The following KCNAB1 variants were observed in gnomAD, a reference collection of about 807,000 sequenced individuals.
KCNAB1 encodes the protein potassium voltage-gated channel subfamily A regulatory beta subunit 1, also known as voltage-gated potassium channel subunit beta-1.
KCNAB1 carries 35 observed loss-of-function variants against 64.6 expected under a neutral mutation model. That is an observed-to-expected ratio of 0.54 (90% CI 0.41 to 0.72). The LOEUF (loss-of-function observed/expected upper bound fraction) is 0.72. Ranked by LOEUF, KCNAB1 falls within the 30% of genes least tolerant of loss-of-function variation. KCNAB1 has a pLI of 0.00. For synonymous variants in KCNAB1, 177 were observed against 183.8 expected, an observed-to-expected ratio of 0.96 and a Z score of 0.30; for missense variants, 401 against 512.9, an observed-to-expected ratio of 0.78 and a Z score of 2.11.
At chr3:156,299,839 G>A (rs567921569) in intron 1 of KCNAB1, among the ~76,000 whole-genome samples, 3 of 152,124 alleles carry the variant, frequency 2.0e-5, no homozygotes, top group East Asian at 1.9e-4. Flanking sequence ...GCAACTACTT[G>A]TAAAGGCCTC....
intron 1 of KCNAB1, among the ~76,000 whole-genome samples, chr3:156,392,326 C>G (rs1713106292): frequency 6.6e-6 from 1 of 152,136 alleles, no homozygotes; most frequent in Non-Finnish European, 1.5e-5. Context: ...ATTATTCCTC[C>G]CAAAATACTT....
chr3:156,479,452 C>A (rs966019678), intron 8 of KCNAB1, among the ~76,000 whole-genome samples: 1 of 151,966 alleles, frequency 6.6e-6, no homozygotes, highest in Non-Finnish European at 1.5e-5. Context: ...TTCTGTCATT[C>A]CCAAACACCA....
intron 1 of KCNAB1, among the ~76,000 whole-genome samples, chr3:156,328,730 A>AGT (rs1347123906): frequency 2.0e-5 from 3 of 152,186 alleles, no homozygotes; most frequent in African/African-American, 7.2e-5. Flanking sequence ...TGTTGAACAG[A>AGT]GTGCAGTATA....
At chr3:156,289,215 G>A (rs1445758615) in intron 1 of KCNAB1, among the ~76,000 whole-genome samples, 1 of 152,202 alleles carries the variant, frequency 6.6e-6, no homozygotes, top group Non-Finnish European at 1.5e-5. Flanking sequence ...TGTCCTCCCT[G>A]TGGAACTGAC....
intron 1 of KCNAB1, among the ~76,000 whole-genome samples, chr3:156,373,843 AC>A (rs1711504249): frequency 6.6e-6 from 1 of 152,156 alleles, no homozygotes; most frequent in South Asian, 2.1e-4. Flanking sequence ...AATTGATCCT[AC>A]CTCAGGTATT....
rs527509163 is a variant in KCNAB1 at position 156,392,146 on chromosome 3, C to A, written c.276-29470C>A. Among the ~76,000 whole-genome samples the A allele has an allele frequency of 5.9e-5, 9 of 152,266 alleles. 1 individual carries two copies. In the East Asian group the frequency reaches 1.4e-3, roughly 23 times the overall value. ...CCCCTACTCCTGCCCCTGCCACCAA[C>A]CACTGTAACATCATTTGAAATTCTA... On this transcript the variant is annotated intron_variant, in intron 1 of 13. Transcript: ENST00000490337.
At chr3:156,422,455 G>C (rs1715524841) in intron 2 of KCNAB1, among the ~76,000 whole-genome samples, 1 of 152,208 alleles carries the variant, frequency 6.6e-6, no homozygotes, top group South Asian at 2.1e-4. Context: ...AAGATTTTCT[G>C]TTGGGTTCTA....
At chr3:156,299,757 G>A (rs1301524551) in intron 1 of KCNAB1, among the ~76,000 whole-genome samples, 1 of 152,086 alleles carries the variant, frequency 6.6e-6, no homozygotes, top group Non-Finnish European at 1.5e-5. Context: ...AGGACTCTGA[G>A]AGCATTCACA....
At chr3:156,167,203 A>G (rs1472273401) in intron 1 of KCNAB1, among the ~76,000 whole-genome samples, 3 of 152,306 alleles carry the variant, frequency 2.0e-5, no homozygotes, top group Middle Eastern at 6.8e-3. Flanking sequence ...AGAGTGGACA[A>G]TGCCCCAGAC....
chr3:156,374,078 G>A (rs1304468794), intron 1 of KCNAB1, among the ~76,000 whole-genome samples: 1 of 152,194 alleles, frequency 6.6e-6, no homozygotes, highest in Non-Finnish European at 1.5e-5. Context: ...AGATGAGGGT[G>A]ATAATAGCAC....
intron 5 of KCNAB1, among the ~76,000 whole-genome samples, chr3:156,463,456 C>T (rs1014121282): frequency 2.0e-5 from 3 of 152,158 alleles, no homozygotes; most frequent in Admixed American, 6.5e-5. Flanking sequence ...TCACTGCCCT[C>T]CACCTCCTCC....
At chr3:156,299,592 ATGCAT>A (rs1464205905) in intron 1 of KCNAB1, among the ~76,000 whole-genome samples, 1 of 152,224 alleles carries the variant, frequency 6.6e-6, no homozygotes, top group Non-Finnish European at 1.5e-5. Context: ...ACTCTCCTGT[ATGCAT>A]TTAGAGATTA....
intron 1 of KCNAB1, among the ~76,000 whole-genome samples, chr3:156,233,091 G>T (rs1364565119): frequency 6.6e-6 from 1 of 152,130 alleles, no homozygotes; most frequent in East Asian, 1.9e-4. Flanking sequence ...ACTGAAATCT[G>T]CCAGGTACTG....
At chr3:156,345,157 C>A (rs895213733) in intron 1 of KCNAB1, among the ~76,000 whole-genome samples, 1 of 151,688 alleles carries the variant, frequency 6.6e-6, no homozygotes, top group African/African-American at 2.4e-5. Flanking sequence ...AAAAACTGAT[C>A]TCTACACTTA....
intron 6 of KCNAB1, among the ~76,000 whole-genome samples, chr3:156,464,250 CGCTGTCAG>C (rs1490768964): frequency 6.6e-6 from 1 of 152,112 alleles, no homozygotes. Context: ...CTGTATCACT[CGCTGTCAG>C]GCCAAATGAA....
chr3:156,176,042 A>G, intron 1 of KCNAB1: 1 of 779,002 alleles, frequency 1.3e-6, no homozygotes, highest in Non-Finnish European at 2.4e-6. Context: ...CCATCAGGTG[A>G]CCAAGAACAT....
At chr3:156,405,291 C>CCTT (rs1237789450) in intron 1 of KCNAB1, among the ~76,000 whole-genome samples, 6 of 152,304 alleles carry the variant, frequency 3.9e-5, no homozygotes, top group South Asian at 2.1e-4. Context: ...GTCTTCTATG[C>CCTT]CTTCCCACCT....
intron 1 of KCNAB1, among the ~76,000 whole-genome samples, chr3:156,177,560 G>A (rs1560121760): frequency 6.6e-6 from 1 of 151,942 alleles, no homozygotes; most frequent in Non-Finnish European, 1.5e-5. Context: ...TGTATTTTTA[G>A]TAGAGACGGG....
intron 1 of KCNAB1, among the ~76,000 whole-genome samples, chr3:156,197,367 G>T (rs1156537589): frequency 2.0e-5 from 3 of 152,094 alleles, no homozygotes; most frequent in Non-Finnish European, 4.4e-5. Context: ...GTTTGGAATG[G>T]TTTCAGAACG....
Sources: gnomAD v4.1 joint callset for allele counts (sites outside exome capture counted in the v4.1 genomes callset) on GRCh38, gnomAD v4.1.1 for gene constraint, MANE v1.5 for transcripts, NCBI Gene and HGNC (gene_info 2026-07-23, HGNC 2026-07-21) for gene names.